Variants in ZNF423 observed in about 807,000 individuals in gnomAD.
ZNF423 encodes the protein Ebf-associated zinc finger protein.
In ZNF423, 12 loss-of-function variants were observed where a neutral mutation model predicts 95.8. The observed-to-expected ratio is 0.13, with a 90% CI of 0.08 to 0.20. ZNF423 has a LOEUF of 0.20. ZNF423 is among the 10% of genes least tolerant of loss of function. The pLI is 1.00. For synonymous variants in ZNF423, 749 were observed against 711.9 expected, an observed-to-expected ratio of 1.05 and a Z score of -0.83; for missense variants, 1,316 against 1,737.1, an observed-to-expected ratio of 0.76 and a Z score of 4.31.
intron 7 of ZNF423, among the ~76,000 whole-genome samples, chr16:49,514,240 G>A (rs967697749): frequency 1.5e-5 from 2 of 137,354 alleles, no homozygotes; most frequent in Admixed American, 7.0e-5. Context: ...ACACACACAC[G>A]CACACGCACA....
intron 3 of ZNF423, chr16:49,664,391 G>A: frequency 5.8e-6 from 4 of 689,580 alleles, no homozygotes; most frequent in Non-Finnish European, 7.1e-6. Flanking sequence ...GATGGGGAGG[G>A]AGAGGACAGA....
chr16:49,609,683 T>C (rs1476468250), intron 5 of ZNF423, among the ~76,000 whole-genome samples: 2 of 147,952 alleles, frequency 1.4e-5, no homozygotes, highest in East Asian at 4.0e-4. Context: ...TCACCCAGAG[T>C]TTCAGGGGCC....
chr16:49,751,686 A>T (rs1431499267), intron 2 of ZNF423, among the ~76,000 whole-genome samples: 1 of 152,256 alleles, frequency 6.6e-6, no homozygotes, highest in Non-Finnish European at 1.5e-5. Context: ...GATTTATTAA[A>T]GAGTAAATGA....
chr16:49,766,645 G>A (rs911802251), intron 2 of ZNF423, among the ~76,000 whole-genome samples: 5 of 152,358 alleles, frequency 3.3e-5, no homozygotes, highest in Admixed American at 6.5e-5. Flanking sequence ...AGCCTGAGCC[G>A]TGGGGAAGCT....
At chr16:49,768,119 G>T (rs1044260657) in intron 2 of ZNF423, among the ~76,000 whole-genome samples, 1 of 152,238 alleles carries the variant, frequency 6.6e-6, no homozygotes, top group Non-Finnish European at 1.5e-5. Context: ...TGGGCTGCAC[G>T]AGGCTGGCAA....
At chr16:49,597,217 C>A (rs920298614) in intron 5 of ZNF423, among the ~76,000 whole-genome samples, 6 of 152,200 alleles carry the variant, frequency 3.9e-5, no homozygotes, top group African/African-American at 1.2e-4. Context: ...GATCAGCCCA[C>A]AGCCCAGGCC....
intron 5 of ZNF423, among the ~76,000 whole-genome samples, chr16:49,558,998 T>A (rs1042046647): frequency 6.6e-6 from 1 of 152,160 alleles, no homozygotes; most frequent in African/African-American, 2.4e-5. Flanking sequence ...CTGAGCTCCT[T>A]AGGGGCCACA....
chr16:49,707,416 C>T (rs190982293), intron 3 of ZNF423, among the ~76,000 whole-genome samples: 5 of 152,162 alleles, frequency 3.3e-5, no homozygotes, highest in Admixed American at 3.3e-4. Flanking sequence ...AAGTTAAAGA[C>T]CAGCTTGGTC....
At chr16:49,761,398 C>T (rs1295631295) in intron 2 of ZNF423, among the ~76,000 whole-genome samples, 1 of 152,214 alleles carries the variant, frequency 6.6e-6, no homozygotes, top group Admixed American at 6.5e-5. Flanking sequence ...CACACAGATC[C>T]CCAGCGAGCC....
intron 2 of ZNF423, among the ~76,000 whole-genome samples, chr16:49,768,826 C>T (rs924575047): frequency 5.9e-5 from 9 of 152,086 alleles, no homozygotes; most frequent in Non-Finnish European, 1.3e-4. Context: ...CCAGAACACA[C>T]GTTCAAGTAC....
intron 7 of ZNF423, among the ~76,000 whole-genome samples, chr16:49,502,671 AG>A (rs1173228992): frequency 2.0e-5 from 3 of 151,950 alleles, no homozygotes; most frequent in African/African-American, 7.3e-5. Context: ...GGAATAGGAG[AG>A]GCCAGGCATG....
intron 2 of ZNF423, among the ~76,000 whole-genome samples, chr16:49,769,837 A>C (rs2034000313): frequency 6.9e-6 from 1 of 144,200 alleles, no homozygotes; most frequent in Non-Finnish European, 1.5e-5. Context: ...GCTCTCCTCC[A>C]GGCACAGTGA....
intron 5 of ZNF423, among the ~76,000 whole-genome samples, chr16:49,565,652 A>C (rs1203160494): frequency 6.6e-6 from 1 of 152,128 alleles, no homozygotes; most frequent in Non-Finnish European, 1.5e-5. Flanking sequence ...CCATCAACTC[A>C]AAGGGTCTCT....
chr16:49,837,637 C>T (rs575760389), intron 1 of ZNF423, among the ~76,000 whole-genome samples: 25 of 152,238 alleles, frequency 1.6e-4, no homozygotes, highest in Non-Finnish European at 2.8e-4. Flanking sequence ...GGAGAGCCTG[C>T]CAGCACTTGC....
rs564364340 is a variant in ZNF423 at position 49,727,978 on chromosome 16, AAAC to A, written c.301+2790_301+2792del. Among the ~76,000 whole-genome samples the A allele has an allele frequency of 2.6e-4, 40 of 152,320 alleles. No individual in the cohort carries two copies. In the South Asian group the frequency reaches 8.3e-3, roughly 32 times the overall value. ...ACCTTTAAATCAGAGGCCAATTTTCAAACAACATCATCTGCTAAAGCCCCAGGT... is the reference window on the plus strand; with the variant it reads ...ACCTTTAAATCAGAGGCCAATTTTCAAACATCATCTGCTAAAGCCCCAGGT... On this transcript the variant is annotated intron_variant, in intron 3 of 7. Transcript: ENST00000563137.
At chr16:49,768,235 G>A (rs2033965235) in intron 2 of ZNF423, among the ~76,000 whole-genome samples, 1 of 152,220 alleles carries the variant, frequency 6.6e-6, no homozygotes, top group East Asian at 1.9e-4. Context: ...AGCGGGAGCC[G>A]GGAACGGGGG....
In ZNF423 at chr16:49,503,372, C is replaced by G. The variant is rs1263946404; in HGVS notation, c.3850-12068G>C. Among the ~76,000 whole-genome samples the G allele has an allele frequency of 4.6e-5, 7 of 152,150 alleles. No homozygotes were observed. In the East Asian group the frequency reaches 1.2e-3, roughly 25 times the overall value. ...ACTCCCTGGCGGGTCCCACCCACAC[C>G]CGGAACACATCCGGACTCTGACCAC... On this transcript the variant is annotated intron_variant, in intron 7 of 7. Transcript: ENST00000563137.
At chr16:49,623,382 T>C (rs1279795183) in intron 5 of ZNF423, among the ~76,000 whole-genome samples, 3 of 152,196 alleles carry the variant, frequency 2.0e-5, no homozygotes, top group African/African-American at 7.2e-5. Flanking sequence ...GCAACCCCCT[T>C]GCCTTGCACT....
At chr16:49,802,685 A>G (rs188107410) in intron 1 of ZNF423, among the ~76,000 whole-genome samples, 14 of 152,170 alleles carry the variant, frequency 9.2e-5, no homozygotes, top group Admixed American at 6.5e-4. Context: ...CTTTGCCCCT[A>G]TGTTCCAAAT....
Sources: gnomAD v4.1 joint callset for allele counts (sites outside exome capture counted in the v4.1 genomes callset) on GRCh38, gnomAD v4.1.1 for gene constraint, MANE v1.5 for transcripts, NCBI Gene and HGNC (gene_info 2026-07-23, HGNC 2026-07-21) for gene names.